Variants in DIAPH2 observed in about 807,000 individuals in gnomAD.
DIAPH2 encodes the protein diaphanous related formin 2.
DIAPH2 carries 35 observed loss-of-function variants against 92.7 expected under a neutral mutation model. The observed-to-expected ratio is 0.38, with a 90% confidence interval of 0.29 to 0.50. The LOEUF (loss-of-function observed/expected upper bound fraction) is 0.50, where lower values mean the gene tolerates loss of function less well. Among genes scored for constraint, DIAPH2 ranks in the 20% least tolerant of loss-of-function variants. DIAPH2 has a pLI of 0.94. For synonymous variants in DIAPH2, 301 were observed against 280.4 expected (o/e 1.07, Z -0.73); for missense variants, 701 against 819.5 (o/e 0.86, Z 1.77).
At chrX:97,188,162 T>C (rs2067623295) in intron 22 of DIAPH2, among the ~76,000 whole-genome samples, 1 of 111,986 alleles carries the variant, frequency 8.9e-6, no homozygotes, top group Non-Finnish European at 1.9e-5. Flanking sequence ...TGAAAAGAAC[T>C]TGCCAAGAAA....
chrX:97,204,469 A>G (rs1347254407), intron 22 of DIAPH2, among the ~76,000 whole-genome samples: 1 of 112,288 alleles, frequency 8.9e-6, no homozygotes, highest in Non-Finnish European at 1.9e-5. Context: ...CAACTTCAGC[A>G]AAGTCTCAGG....
intron 3 of DIAPH2, among the ~76,000 whole-genome samples, chrX:96,755,197 T>C (rs2064219237): frequency 9.0e-6 from 1 of 111,371 alleles, no homozygotes; most frequent in African/African-American, 3.3e-5. Flanking sequence ...CATGTATATA[T>C]ACACAAAATT....
In DIAPH2 at chrX:97,457,570, T is replaced by C. The variant is rs1000906016; in HGVS notation, c.3241+27825T>C. Among the ~76,000 whole-genome samples, 4 of 111,705 alleles carry C rather than the reference T, an allele frequency of 3.6e-5. No individual in the cohort carries two copies. The Admixed American group carries it at 3.8e-4, about 11-fold the overall frequency. On this transcript the variant is annotated intron_variant, in intron 26 of 26. Coordinates refer to ENST00000324765, the MANE Select transcript of DIAPH2 (RefSeq NM_006729.5). ...GATCGTTTCAGTGTCTCTCATGAGA[T>C]TGCAGTCAAGATATTGGACCGGGCT...
At chrX:96,698,443 A>G (rs2063836716) in intron 1 of DIAPH2, among the ~76,000 whole-genome samples, 1 of 111,726 alleles carries the variant, frequency 9.0e-6, no homozygotes, top group African/African-American at 3.3e-5. Flanking sequence ...TATTCAGCCA[A>G]GTGCTATCTT....
intron 22 of DIAPH2, among the ~76,000 whole-genome samples, chrX:97,149,648 G>A (rs901530126): frequency 3.0e-5 from 3 of 99,115 alleles, no homozygotes; most frequent in Non-Finnish European, 6.0e-5. Flanking sequence ...GGAGAATGGC[G>A]TGAACCCAGG....
intron 26 of DIAPH2, among the ~76,000 whole-genome samples, chrX:97,580,172 C>A (rs2071428923): frequency 9.5e-6 from 1 of 105,464 alleles, no homozygotes; most frequent in African/African-American, 3.5e-5. Context: ...CCTTCTCCTG[C>A]CTAATTGCCC....
rs181179222 is a variant in DIAPH2 at position 97,273,667 on chromosome X, T to G, written c.2844+25828T>G. ...TAAATGGTATACTAATCAGTGATAC[T>G]CAGATATTTTTCAGTAAGTTTCAGT... On this transcript the variant is annotated intron_variant, in intron 23 of 26. Transcript: ENST00000324765. 2.4e-3 allele frequency among the ~76,000 whole-genome samples: 270 copies of G among 111,953 alleles called. 1 individual carries two copies. The highest frequency in any genetic ancestry group is 3.5e-3 in the Non-Finnish European group (188 of 53,215).
At chrX:96,778,668 A>G (rs1482669236) in intron 4 of DIAPH2, among the ~76,000 whole-genome samples, 1 of 111,888 alleles carries the variant, frequency 8.9e-6, no homozygotes, top group Non-Finnish European at 1.9e-5. Flanking sequence ...TGCACATTAC[A>G]TTTATTTGTC....
At chrX:96,717,373 C>G (rs1353539384) in intron 1 of DIAPH2, among the ~76,000 whole-genome samples, 1 of 110,714 alleles carries the variant, frequency 9.0e-6, no homozygotes, top group Admixed American at 9.7e-5. Context: ...GCACTGAAGT[C>G]TGACTGTTAC....
intron 23 of DIAPH2, among the ~76,000 whole-genome samples, chrX:97,255,690 C>G (rs1221247148): frequency 8.9e-6 from 1 of 112,024 alleles, no homozygotes; most frequent in Non-Finnish European, 1.9e-5. Context: ...AGAAAGGAGT[C>G]TAACATGTTT....
intron 24 of DIAPH2, among the ~76,000 whole-genome samples, chrX:97,369,724 A>G (rs758886630): frequency 2.1e-3 from 232 of 111,595 alleles, no homozygotes; most frequent in African/African-American, 6.9e-3. Context: ...ACAAATCATC[A>G]AACAATCACT....
At chrX:97,001,063 T>G (rs1422359736) in intron 17 of DIAPH2, among the ~76,000 whole-genome samples, 1 of 112,261 alleles carries the variant, frequency 8.9e-6, no homozygotes, top group East Asian at 2.8e-4. Context: ...TTTCATTTTC[T>G]TAATATGCAT....
intron 23 of DIAPH2, among the ~76,000 whole-genome samples, chrX:97,333,764 C>A (rs1178785096): frequency 2.7e-5 from 3 of 110,414 alleles, no homozygotes. Context: ...GGGGTTTCAC[C>A]ATGTTGGCCG....
chrX:97,314,305 G>A (rs2068822983), intron 23 of DIAPH2, among the ~76,000 whole-genome samples: 2 of 109,407 alleles, frequency 1.8e-5, no homozygotes, highest in African/African-American at 3.3e-5. Context: ...CCAGCTACTC[G>A]GTAGGCTAAG....
At chrX:96,913,235 C>G (rs1602623899) in intron 7 of DIAPH2, among the ~76,000 whole-genome samples, 1 of 111,357 alleles carries the variant, frequency 9.0e-6, no homozygotes, top group East Asian at 2.8e-4. Flanking sequence ...GTATTTGACT[C>G]TTGTCTATAA....
intron 22 of DIAPH2, among the ~76,000 whole-genome samples, chrX:97,210,450 C>T (rs1275974508): frequency 9.0e-6 from 1 of 111,431 alleles, no homozygotes; most frequent in Non-Finnish European, 1.9e-5. Flanking sequence ...TAAGTACATA[C>T]CCGAAGCTAG....
chrX:97,071,267 ACT>A (rs965824912), intron 17 of DIAPH2, among the ~76,000 whole-genome samples: 4 of 111,583 alleles, frequency 3.6e-5, no homozygotes, highest in Admixed American at 9.6e-5. Flanking sequence ...CATATGAAAG[ACT>A]CTATGCTCTT....
At chrX:97,161,559 C>A (rs921020575) in intron 22 of DIAPH2, among the ~76,000 whole-genome samples, 22 of 110,949 alleles carry the variant, frequency 2.0e-4, no homozygotes, top group Non-Finnish European at 3.8e-4. Context: ...TGATGCCACA[C>A]CTGGCTAATT....
At chrX:97,329,891 G>GACACACACACAC (rs201851023) in intron 23 of DIAPH2, among the ~76,000 whole-genome samples, 9 of 79,484 alleles carry the variant, frequency 1.1e-4, no homozygotes, top group African/African-American at 4.4e-4. Context: ...TGCATTCTTA[G>GACACACACACAC]ACACACACAC....
Sources: gnomAD v4.1 joint callset for allele counts (sites outside exome capture counted in the v4.1 genomes callset) on GRCh38, gnomAD v4.1.1 for gene constraint, MANE v1.5 for transcripts, NCBI Gene and HGNC (gene_info 2026-07-23, HGNC 2026-07-21) for gene names.